Variants in SBF2 observed in about 807,000 individuals in gnomAD.
SBF2 encodes the protein myotubularin-related protein 13.
Under a neutral mutation model 225.2 loss-of-function variants are expected in SBF2, and 112 were observed. The observed-to-expected ratio is 0.50, with a 90% confidence interval of 0.43 to 0.58. SBF2 has a LOEUF of 0.58. Among genes scored for constraint, SBF2 ranks in the 20% least tolerant of loss-of-function variants. The pLI, the probability that SBF2 is intolerant of heterozygous loss-of-function variation, is 0.00. For synonymous variants in SBF2, 763 were observed against 773.3 expected (o/e 0.99, Z 0.22); for missense variants, 1,996 against 2,206.2 (o/e 0.90, Z 1.91).
Position 9,974,707 on chromosome 11 carries a change from G to A in SBF2, c.1396-6162C>T, listed in dbSNP as rs1297725333. Among the ~76,000 whole-genome samples, 13 of 149,956 alleles carry A rather than the reference G, an allele frequency of 8.7e-5. 1 individual carries two copies. The highest frequency in any genetic ancestry group is 8.6e-4 in the Admixed American group (13 of 15,064). ...AAACCAGCCGGGTGCAGTAGCTCAT[G>A]CCTATAATCCCAGCACTTTGCGAGG... On this transcript the variant is annotated intron_variant, in intron 13 of 39. Coordinates refer to ENST00000256190, the MANE Select transcript of SBF2 (RefSeq NM_030962.4).
chr11:10,228,255 T>C (rs1225074993), intron 1 of SBF2, among the ~76,000 whole-genome samples: 1 of 152,210 alleles, frequency 6.6e-6, no homozygotes, highest in Middle Eastern at 3.2e-3. Flanking sequence ...TATACAATCA[T>C]GTCATCTGCA....
chr11:10,067,479 A>C (rs1350364207), intron 2 of SBF2, among the ~76,000 whole-genome samples: 1 of 152,204 alleles, frequency 6.6e-6, no homozygotes, highest in Non-Finnish European at 1.5e-5. Flanking sequence ...TCTGAAACAG[A>C]CTAAATTGGA....
chr11:10,152,151 G>C (rs1396564614), intron 2 of SBF2, among the ~76,000 whole-genome samples: 1 of 152,128 alleles, frequency 6.6e-6, no homozygotes, highest in Non-Finnish European at 1.5e-5. Flanking sequence ...TAGAATCTAT[G>C]ATTTTGAATC....
chr11:9,856,427 G>C (rs773934576), intron 19 of SBF2, 31 bp downstream of exon 19: 9 of 1,612,722 alleles, frequency 5.6e-6, no homozygotes, highest in Non-Finnish European at 7.6e-6. Flanking sequence ...AGAAGAGTAG[G>C]AGGAGGGTCT....
chr11:9,857,047 A>G (rs1386937840), intron 18 of SBF2, among the ~76,000 whole-genome samples: 1 of 152,234 alleles, frequency 6.6e-6, no homozygotes, highest in East Asian at 1.9e-4. Context: ...TCGGCCTCCC[A>G]AAGTGCTGGG....
intron 39 of SBF2, 184 bp from the exon 40 acceptor site, chr11:9,780,700 G>A (rs951661902): frequency 3.6e-5 from 23 of 641,534 alleles, no homozygotes; most frequent in Admixed American, 3.1e-4. Context: ...AGAGTCATAG[G>A]GGATGTTGAT....
At chr11:10,115,336 A>G (rs547360713) in intron 2 of SBF2, among the ~76,000 whole-genome samples, 4 of 152,330 alleles carry the variant, frequency 2.6e-5, no homozygotes, top group South Asian at 2.1e-4. Flanking sequence ...AATAATATTA[A>G]ATACATTCAA....
chr11:10,171,658 A>T (rs1016794755), intron 2 of SBF2, among the ~76,000 whole-genome samples: 11 of 152,164 alleles, frequency 7.2e-5, no homozygotes, highest in African/African-American at 2.7e-4. Flanking sequence ...TCATAGAATA[A>T]GGTTTGGAAG....
At chr11:9,831,553 A>G (rs1054616594) in intron 27 of SBF2, among the ~76,000 whole-genome samples, 3 of 152,160 alleles carry the variant, frequency 2.0e-5, no homozygotes, top group African/African-American at 7.2e-5. Flanking sequence ...CCTAAATCGG[A>G]TCTGATATCT....
At chr11:9,978,878 A>C (rs1042743601) in intron 13 of SBF2, among the ~76,000 whole-genome samples, 5 of 152,184 alleles carry the variant, frequency 3.3e-5, no homozygotes, top group African/African-American at 1.2e-4. Flanking sequence ...ATACGCCTGT[A>C]GTCCCAGCTA....
Position 9,961,964 on chromosome 11 carries a change from G to C in SBF2, c.1853C>G (p.Thr618Ser), listed in dbSNP as rs771304680. Reference protein sequence around the residue: ...FDYIIRMMNCTLQDCSSLEEY... With the variant: ...FDYIIRMMNCSLQDCSSLEEY... Reference sequence around the variant, plus strand: ...GAAAGAACTACAAATTACCTGTAGAGTACAATTCATCATCCTTATTATGTA... The same window carrying C: ...GAAAGAACTACAAATTACCTGTAGACTACAATTCATCATCCTTATTATGTA... The change falls in exon 16 of 40, where the codon ACT (threonine) becomes AGT (serine). Residue 618 changes from threonine (T) to serine (S), a missense_variant. Thr to Ser is a moderately conservative substitution (Grantham distance 58). Coordinates refer to ENST00000256190, the MANE Select transcript of SBF2 (RefSeq NM_030962.4). 1.9e-6 allele frequency: 3 copies of C among 1,613,364 alleles called. No homozygotes were observed. The Admixed American group carries it at 5.0e-5, about 27-fold the overall frequency.
At chr11:9,847,547 T>C (rs956488781) in intron 22 of SBF2, among the ~76,000 whole-genome samples, 10 of 151,254 alleles carry the variant, frequency 6.6e-5, no homozygotes, top group African/African-American at 2.4e-4. Context: ...CCTCAAGTAT[T>C]GAAAAGACAT....
At chr11:9,917,758 G>C (rs1374211685) in intron 16 of SBF2, among the ~76,000 whole-genome samples, 2 of 150,546 alleles carry the variant, frequency 1.3e-5, no homozygotes, top group African/African-American at 2.5e-5. Context: ...GTAATATAAA[G>C]CACCACTGGA....
intron 2 of SBF2, among the ~76,000 whole-genome samples, chr11:10,053,606 A>C (rs1248302774): frequency 6.6e-6 from 1 of 152,096 alleles, no homozygotes; most frequent in African/African-American, 2.4e-5. Context: ...AGTTTGAAAA[A>C]AGACCCAGCC....
upstream of SBF2, among the ~76,000 whole-genome samples, chr11:10,297,175 T>G (rs146155868): frequency 3.8e-3 from 579 of 152,182 alleles, 4 homozygotes; most frequent in South Asian, 5.4e-3. Flanking sequence ...CTTTTTAAAA[T>G]TGTTATGCCC....
At chr11:10,184,873 C>T (rs1394650061) in intron 2 of SBF2, among the ~76,000 whole-genome samples, 1 of 152,080 alleles carries the variant, frequency 6.6e-6, no homozygotes, top group Non-Finnish European at 1.5e-5. Context: ...ACTACAGGCG[C>T]CCACCACCAC....
At chr11:10,166,365 C>A (rs1955949680) in intron 2 of SBF2, among the ~76,000 whole-genome samples, 1 of 152,060 alleles carries the variant, frequency 6.6e-6, no homozygotes, top group South Asian at 2.1e-4. Context: ...GAAAGGACTA[C>A]TAGAAACATG....
intron 23 of SBF2, among the ~76,000 whole-genome samples, chr11:9,846,419 G>A (rs1206461417): frequency 1.3e-5 from 2 of 152,142 alleles, no homozygotes; most frequent in Non-Finnish European, 2.9e-5. Context: ...CTAAGAAAAG[G>A]TCACTTCTTC....
intron 2 of SBF2, among the ~76,000 whole-genome samples, chr11:10,168,925 A>C (rs1205682730): frequency 1.3e-5 from 2 of 152,364 alleles, no homozygotes; most frequent in East Asian, 3.9e-4. Flanking sequence ...CACAAGTTTT[A>C]AAGCAGTTTA....
Sources: allele counts gnomAD v4.1 joint callset (sites outside exome capture counted in the v4.1 genomes callset), GRCh38; gene constraint gnomAD v4.1.1; transcripts MANE v1.5; gene names NCBI Gene and HGNC (gene_info 2026-07-23, HGNC 2026-07-21).